DOT1L: variants seen among roughly 807,000 people sequenced by gnomAD.
DOT1L encodes the protein DOT1 like histone lysine methyltransferase.
In DOT1L, 33 loss-of-function variants were observed where a neutral mutation model predicts 153.3. The observed-to-expected ratio is 0.22, with a 90% confidence interval of 0.16 to 0.29. The LOEUF is 0.29. Ranked by LOEUF, DOT1L falls within the 10% of genes least tolerant of loss-of-function variation. The pLI is 1.00. For synonymous variants in DOT1L, 1,135 were observed against 965.1 expected (o/e 1.18, Z -3.26); for missense variants, 1,847 against 2,119.9 (o/e 0.87, Z 2.53).
At chr19:2,228,980 G>A (rs1251898886) in intron 27 of DOT1L, 3 of 985,434 alleles carry the variant, frequency 3.0e-6, no homozygotes, top group Admixed American at 6.1e-5. Flanking sequence ...CGAGAGGCAA[G>A]CTCTGTGCCC....
chr19:2,222,182 C>G lies in DOT1L; in HGVS notation c.3013C>G (p.Gln1005Glu). ...CTCGCTTCCTGCCTCTCCCGCCCAC[C>G]AGCTCTCCTCCAGTCCCCGGCTTGG... ...RNSLPASPAH[Q>E]LSSSPRLGGA... Residue 1005 changes from glutamine (Q) to glutamate (E), a missense_variant, in exon 24 of 28, where the codon CAG becomes GAG. Coordinates refer to ENST00000398665, the MANE Select transcript of DOT1L (RefSeq NM_032482.3). The surrounding 1 kb of genome is among the most constrained non-coding windows in gnomAD (Gnocchi z 6.5). The G allele has an allele frequency of 6.2e-7, 1 of 1,613,138 alleles. No individual in the cohort carries two copies. The highest frequency in any genetic ancestry group is 1.1e-5 in the South Asian group (1 of 91,070).
In DOT1L at chr19:2,222,120, C is replaced by T. The variant is rs762523174; in HGVS notation, c.2951C>T (p.Thr984Met). ...GCCACCGTGGGGTCCCGCAGCTCCA[C>T]GCCACAGCACCCCCTGCTGCTGGCA... Reference protein sequence around the residue: ...LFATVGSRSSTPQHPLLLAQP... With the variant: ...LFATVGSRSSMPQHPLLLAQP... Residue 984 changes from threonine (T) to methionine (M), a missense_variant, in exon 24 of 28, where the codon ACG (threonine) becomes ATG (methionine). Around this residue, in one of 8 missense-constraint regions of DOT1L, gnomAD observed 934 missense variants for 825.3 expected, o/e 1.13. Coordinates refer to ENST00000398665, the MANE Select transcript of DOT1L (RefSeq NM_032482.3). The surrounding 1 kb of genome is among the most constrained non-coding windows in gnomAD (Gnocchi z 6.5). The T allele has an allele frequency of 2.0e-5, 32 of 1,613,156 alleles. 1 individual carries two copies. The highest frequency in any genetic ancestry group is 2.2e-5 in the South Asian group (2 of 91,094).
rs1260357228 is a variant in DOT1L, at chr19:2,227,075, C to G, written c.4554C>G (p.Thr1518=). Residue 1518 remains threonine, a synonymous_variant, in exon 27 of 28, where the codon ACC becomes ACG. Coordinates refer to ENST00000398665, the MANE Select transcript of DOT1L (RefSeq NM_032482.3). Reference sequence around the variant, plus strand: ...TGTCGTCCGCTGCCACCAGACTGACCAACTCGCACGCCATGGGCAGCTTTT... The same window carrying G: ...TGTCGTCCGCTGCCACCAGACTGACGAACTCGCACGCCATGGGCAGCTTTT... The part of the protein sequence containing the change: ...VHVSSAATRL[T]NSHAMGSFSG... The G allele has an allele frequency of 3.8e-6, 6 of 1,567,106 alleles. No individual in the cohort carries two copies. The highest frequency in any genetic ancestry group is 4.3e-6 in the Non-Finnish European group (5 of 1,161,922).
chr19:2,211,264 A>G, intron 15 of DOT1L, 52 bp downstream of exon 15: 1 of 1,486,334 alleles, frequency 6.7e-7, no homozygotes. Context: ...GGGTCATCCC[A>G]GGAGGACCGT....
Position 2,191,184 on chromosome 19 carries a change from A to T in DOT1L, c.437A>T (p.Gln146Leu). Reference protein sequence around the residue: ...YGETSFDLVAQMIDEIKMTDD... With the variant: ...YGETSFDLVALMIDEIKMTDD... ...GAGACCTCCTTCGACCTGGTGGCCC[A>T]GATGATTGATGAGATCAAGATGACC... Residue 146 changes from glutamine (Q) to leucine (L), a missense_variant, in exon 5 of 28, where the codon CAG (glutamine) becomes CTG (leucine). Physicochemically the swap from Gln to Leu is moderately radical, Grantham distance 113. Coordinates refer to ENST00000398665, the MANE Select transcript of DOT1L (RefSeq NM_032482.3). The surrounding 1 kb of genome is among the most constrained non-coding windows in gnomAD (Gnocchi z 6.8). 1 of 1,613,494 alleles carries T rather than the reference A, an allele frequency of 6.2e-7. No homozygotes were observed. Among genetic ancestry groups the T allele is most frequent in the Non-Finnish European group, 8.5e-7 (1 of 1,179,952 alleles).
chr19:2,225,965 C>T (rs969524026), intron 26 of DOT1L, among the ~76,000 whole-genome samples: 2 of 152,202 alleles, frequency 1.3e-5, no homozygotes, highest in African/African-American at 4.8e-5. Flanking sequence ...CCCCTGCCAT[C>T]TCATCCTGTG....
chr19:2,194,621 C>G (rs1232399030), intron 7 of DOT1L, 44 bp downstream of exon 7: 2 of 1,595,724 alleles, frequency 1.3e-6, no homozygotes, highest in Non-Finnish European at 1.7e-6. Flanking sequence ...CCGGCCCCAC[C>G]CCCGCTCCCA....
At chr19:2,195,598 C>T (rs959715998) in intron 7 of DOT1L, among the ~76,000 whole-genome samples, 4 of 151,942 alleles carry the variant, frequency 2.6e-5, no homozygotes, top group African/African-American at 9.7e-5. Context: ...ACAGAGCCCG[C>T]AGCCCCTCGA....
At chr19:2,228,907 T>C (rs939486769) in intron 27 of DOT1L, 1 of 985,334 alleles carries the variant, frequency 1.0e-6, no homozygotes, top group Non-Finnish European at 1.2e-6. Context: ...GATGCCCTCA[T>C]AGGGAGCCAG....
intron 14 of DOT1L, 106 bp downstream of exon 14, chr19:2,210,961 C>G (rs980666446): frequency 1.4e-6 from 2 of 1,479,974 alleles, no homozygotes; most frequent in African/African-American, 2.8e-5. Flanking sequence ...CAGGGTGTCC[C>G]TGGAGCCTCC....
chr19:2,227,184 C>T (rs747080996), intron 27 of DOT1L, 57 bp downstream of exon 27: 27 of 1,578,422 alleles, frequency 1.7e-5, no homozygotes, highest in Non-Finnish European at 2.1e-5. Context: ...GAGGCCCCTT[C>T]CTTTGCAGGT....
intron 22 of DOT1L, among the ~76,000 whole-genome samples, chr19:2,219,840 C>A (rs1449907782): frequency 1.3e-5 from 2 of 152,086 alleles, no homozygotes; most frequent in African/African-American, 4.8e-5. Context: ...ACCCCCTCCC[C>A]ACAGCTGGAC....
chr19:2,224,528 C>CG (rs924923323), intron 25 of DOT1L, among the ~76,000 whole-genome samples: 6 of 146,328 alleles, frequency 4.1e-5, no homozygotes, highest in African/African-American at 7.7e-5. Flanking sequence ...AGTGCGGTGG[C>CG]GCGATCTCGG....
intron 3 of DOT1L, among the ~76,000 whole-genome samples, chr19:2,187,144 G>T (rs139267572): frequency 6.6e-6 from 1 of 152,190 alleles, no homozygotes; most frequent in African/African-American, 2.4e-5. Context: ...CCCACAAGTC[G>T]CTTCCTTACA....
intron 3 of DOT1L, among the ~76,000 whole-genome samples, chr19:2,187,923 G>GAAAAAA (rs11453591): frequency 7.6e-6 from 1 of 130,952 alleles, no homozygotes; most frequent in African/African-American, 2.9e-5. Flanking sequence ...CTCCATCTCA[G>GAAAAAA]AAAAAAAAAA....
intron 22 of DOT1L, among the ~76,000 whole-genome samples, 172 bp from the exon 23 acceptor site, chr19:2,219,936 G>A (rs1324919226): frequency 6.6e-6 from 1 of 152,050 alleles, no homozygotes; most frequent in Non-Finnish European, 1.5e-5. Context: ...TGCGCCACTC[G>A]CCTGGGGCCC....
chr19:2,194,434 G>C lies in DOT1L; in HGVS notation c.589-81G>C, dbSNP rs1037373720. 39 of 1,532,670 alleles carry C rather than the reference G, an allele frequency of 2.5e-5. No homozygotes were observed. In the Admixed American group the frequency reaches 6.2e-4, roughly 24 times the overall value. The allele number at this position is 1,532,670 out of a possible 1,614,324, so 94.9% of individuals were successfully genotyped here. A position where few individuals can be genotyped will look rare whatever the true frequency, so the allele number is the denominator to read the frequency against. ...GATCCGCCCTCCTCAGCCTCCCAAA[G>C]TGCCGGGATTACAGGCGTGAGCCAC... On this transcript the variant is annotated intron_variant, in intron 6 of 27. Transcript: ENST00000398665.
chr19:2,224,833 T>C (rs972268420), intron 25 of DOT1L, among the ~76,000 whole-genome samples: 14 of 152,324 alleles, frequency 9.2e-5, no homozygotes, highest in African/African-American at 2.6e-4. Context: ...ACGAGAAACA[T>C]TGTAGCACCT....
rs768292906 is a variant in DOT1L, at chr19:2,217,888, C to T, written c.2661C>T (p.Ser887=). ...TCCCGGTCAGCATTCCCCTGGCCAG[C>T]GTGGTGCTGCCCAGCCGCGCCGAGA... ...NKLPVSIPLA[S]VVLPSRAERA... The change falls in exon 22 of 28, where the codon AGC becomes AGT. Residue 887 remains serine, a synonymous_variant. Transcript: ENST00000398665. This position sits in a 1 kb window ranked among gnomAD's most constrained non-coding sequence, Gnocchi z 7.3. The T allele has an allele frequency of 5.6e-5, 91 of 1,612,094 alleles. No homozygotes were observed. Among genetic ancestry groups the T allele is most frequent in the East Asian group, 2.5e-4 (11 of 44,840 alleles).
Sources: gnomAD v4.1 joint callset for allele counts (sites outside exome capture counted in the v4.1 genomes callset) on GRCh38, gnomAD v4.1.1 for gene constraint, gnomAD v4.1.1 regional missense constraint, Gnocchi (gnomAD v3.1) non-coding constraint, MANE v1.5 for transcripts, NCBI Gene and HGNC (gene_info 2026-07-23, HGNC 2026-07-21) for gene names.